The following DENND4C variants were observed in gnomAD, a reference collection of about 807,000 sequenced individuals.
DENND4C encodes DENN domain containing 4C.
Under a neutral mutation model 203.0 loss-of-function variants are expected in DENND4C, and 108 were observed. That is an observed-to-expected ratio of 0.53 (90% confidence interval 0.46 to 0.62). The LOEUF (loss-of-function observed/expected upper bound fraction) is 0.62, where lower values mean the gene tolerates loss of function less well. Ranked by LOEUF, DENND4C falls within the 20% of genes least tolerant of loss-of-function variation. The pLI, the probability that DENND4C is intolerant of heterozygous loss-of-function variation, is 0.00. For synonymous variants in DENND4C, 871 were observed against 792.4 expected, an observed-to-expected ratio of 1.10 and a Z score of -1.67; for missense variants, 2,481 against 2,301.2, an observed-to-expected ratio of 1.08 and a Z score of -1.60.
intron 1 of DENND4C, among the ~76,000 whole-genome samples, chr9:19,253,255 A>G (rs952666560): frequency 3.3e-5 from 5 of 152,324 alleles, no homozygotes; most frequent in Middle Eastern, 3.4e-3. Context: ...TCATTTGGCA[A>G]CTATTGGATG....
chr9:19,372,354 G>T lies in DENND4C; in HGVS notation c.*181G>T. The stretch of plus-strand genomic sequence containing the variant: ...TACCTTGAAATATGAAGTGCCATTT[G>T]AATGTCCCAGGGCTTATTAATATTG... On this transcript the variant is annotated 3_prime_UTR_variant, in exon 33 of 33. Transcript: ENST00000434457. 1.4e-6 allele frequency: 1 copy of T among 715,704 alleles called. No individual in the cohort carries two copies. The highest frequency in any genetic ancestry group is 2.9e-5 in the East Asian group (1 of 34,978). 44.3% of individuals were successfully genotyped at this position (715,704 alleles called of 1,614,324 possible). A position where few individuals can be genotyped will look rare whatever the true frequency, so the allele number is the denominator to read the frequency against.
rs373353908 is a variant in DENND4C at position 19,301,587 on chromosome 9, A to C, written c.1311+1256A>C. Among the ~76,000 whole-genome samples the C allele has an allele frequency of 4.1e-4, 62 of 152,318 alleles. 1 individual carries two copies. The South Asian group carries it at 0.011, about 28-fold the overall frequency. ...TCCAAGTCATCACAGTTGTGTGTGA[A>C]AGCAAAAGTTGTTAGAATATGAAAA... On this transcript the variant is annotated intron_variant, in intron 9 of 32. Transcript: ENST00000434457.
intron 1 of DENND4C, among the ~76,000 whole-genome samples, chr9:19,265,685 T>C (rs1464984891): frequency 6.6e-6 from 1 of 152,122 alleles, no homozygotes; most frequent in Non-Finnish European, 1.5e-5. Context: ...TTCCCACCTA[T>C]AAGTGAGAAC....
intron 20 of DENND4C, among the ~76,000 whole-genome samples, chr9:19,339,794 C>A (rs1270110270): frequency 6.6e-6 from 1 of 152,216 alleles, no homozygotes; most frequent in Non-Finnish European, 1.5e-5. Context: ...ATTTTGCCAA[C>A]TCTATCACTG....
intron 27 of DENND4C, 48 bp downstream of exon 27, chr9:19,357,202 C>A: frequency 1.3e-6 from 2 of 1,594,924 alleles, no homozygotes; most frequent in African/African-American, 1.3e-5. Context: ...AATGGGGTAC[C>A]CTTGTAAAAA....
chr9:19,308,785 C>G (rs1164519175), intron 10 of DENND4C, among the ~76,000 whole-genome samples: 1 of 152,092 alleles, frequency 6.6e-6, no homozygotes, highest in South Asian at 2.1e-4. Context: ...AGGTTTGCCT[C>G]TCTCATTTAG....
intron 1 of DENND4C, among the ~76,000 whole-genome samples, chr9:19,251,205 A>G (rs1826495679): frequency 6.6e-6 from 1 of 152,186 alleles, no homozygotes; most frequent in South Asian, 2.1e-4. Flanking sequence ...ACTTCTGTGC[A>G]CTCACAGGCT....
intron 1 of DENND4C, among the ~76,000 whole-genome samples, chr9:19,268,975 C>T (rs1385429040): frequency 6.6e-6 from 1 of 152,032 alleles, no homozygotes; most frequent in Non-Finnish European, 1.5e-5. Context: ...ATATCTTTCT[C>T]TATGTTTGGG....
chr9:19,266,360 C>T (rs571963312), intron 1 of DENND4C, among the ~76,000 whole-genome samples: 1 of 151,110 alleles, frequency 6.6e-6, no homozygotes, highest in South Asian at 2.1e-4. Flanking sequence ...GGATATTAGC[C>T]CTTTGTCAGA....
At chr9:19,289,940 A>G (rs1458766970) in intron 4 of DENND4C, among the ~76,000 whole-genome samples, 3 of 152,118 alleles carry the variant, frequency 2.0e-5, no homozygotes, top group African/African-American at 7.2e-5. Context: ...ATATCACTTA[A>G]AAAACTTATA....
In DENND4C at chr9:19,345,933, A is replaced by T. The variant is rs1453011909; in HGVS notation, c.3164A>T (p.Asn1055Ile). ...SRKSSTGSIS[N>I]VLFSTQDPVE... ...CTTTCCCTTTTAGGTAGTATATCAA[A>T]TGTGCTGTTTTCTACTCAAGATCCA... Residue 1055 changes from asparagine (N) to isoleucine (I), a missense_variant, in exon 23 of 33, where the codon AAT becomes ATT. Asn to Ile is a moderately radical substitution (Grantham distance 149). Around this residue, in one of 3 missense-constraint regions of DENND4C, gnomAD observed 2,289 missense variants for 2,113.3 expected, o/e 1.08. Transcript: ENST00000434457. The T allele has an allele frequency of 1.2e-6, 2 of 1,610,382 alleles. No individual in the cohort carries two copies. The highest frequency in any genetic ancestry group is 8.5e-7 in the Non-Finnish European group (1 of 1,178,430).
At chr9:19,237,455 G>A (rs983064699) in intron 1 of DENND4C, among the ~76,000 whole-genome samples, 1 of 152,104 alleles carries the variant, frequency 6.6e-6, no homozygotes. Flanking sequence ...GAGTTCAAGC[G>A]ATTCTTCTGC....
chr9:19,331,760 C>A (rs1819259495), intron 16 of DENND4C, among the ~76,000 whole-genome samples: 1 of 152,112 alleles, frequency 6.6e-6, no homozygotes, highest in South Asian at 2.1e-4. Flanking sequence ...TGCTTGCTAA[C>A]AAATAGATTT....
chr9:19,310,352 A>G (rs1208279314), intron 10 of DENND4C, among the ~76,000 whole-genome samples: 3 of 152,218 alleles, frequency 2.0e-5, no homozygotes, highest in African/African-American at 7.2e-5. Context: ...AGTTTGTCAT[A>G]AAGTATGATT....
At chr9:19,247,134 G>A (rs1458401214) in intron 1 of DENND4C, among the ~76,000 whole-genome samples, 2 of 152,128 alleles carry the variant, frequency 1.3e-5, no homozygotes, top group African/African-American at 4.8e-5. Context: ...TTTTCTGGAT[G>A]CCATATATTA....
chr9:19,262,065 A>G (rs535758967), intron 1 of DENND4C, among the ~76,000 whole-genome samples: 1 of 134,208 alleles, frequency 7.5e-6, no homozygotes, highest in Admixed American at 7.6e-5. Flanking sequence ...ACTTTAGTGA[A>G]TTTATTAGTT....
chr9:19,299,449 G>A (rs1395118998), intron 8 of DENND4C, among the ~76,000 whole-genome samples, 162 bp downstream of exon 8: 2 of 152,006 alleles, frequency 1.3e-5, no homozygotes, highest in Non-Finnish European at 2.9e-5. Flanking sequence ...TCTGACTTTG[G>A]TAACTGGGTG....
At chr9:19,318,905 A>G (rs1026241357) in intron 12 of DENND4C, among the ~76,000 whole-genome samples, 5 of 152,182 alleles carry the variant, frequency 3.3e-5, no homozygotes, top group African/African-American at 1.2e-4. Context: ...GCAGTGGCTT[A>G]TGCCTGTAAT....
At position 19,298,109 on chromosome 9, in the gene DENND4C, G is replaced by T. The variant is rs1837826180; in HGVS notation, c.1094G>T (p.Arg365Ile). Residue 365 changes from arginine (R) to isoleucine (I), a missense_variant, in exon 7 of 33, where the codon AGA (arginine) becomes ATA (isoleucine). Physicochemically the swap from Arg to Ile is moderately conservative, Grantham distance 97. Coordinates refer to ENST00000434457, the MANE Select transcript of DENND4C (RefSeq NM_001330640.2). ...NIPFPSPQRP[R>I]ILVQLSVHDA... The stretch of plus-strand genomic sequence containing the variant: ...CCTTTTCCTTCACCACAAAGACCGA[G>T]AATCCTTGTCCAGGTAATCAAAAGA... 1.9e-6 allele frequency: 3 copies of T among 1,609,756 alleles called. No individual in the cohort carries two copies. The highest frequency in any genetic ancestry group is 3.3e-4 in the Middle Eastern group (2 of 6,044).
Sources: gnomAD v4.1 joint callset for allele counts (sites outside exome capture counted in the v4.1 genomes callset) on GRCh38, gnomAD v4.1.1 for gene constraint, gnomAD v4.1.1 regional missense constraint, MANE v1.5 for transcripts, NCBI Gene and HGNC (gene_info 2026-07-23, HGNC 2026-07-21) for gene names.